ATP2B2: variants seen among roughly 807,000 people sequenced by gnomAD.
The protein encoded by ATP2B2 is plasma membrane calcium-transporting ATPase 2.
Under a neutral mutation model 120.0 loss-of-function variants are expected in ATP2B2, and 15 were observed. The observed-to-expected ratio is 0.12, with a 90% CI of 0.08 to 0.19. The LOEUF (loss-of-function observed/expected upper bound fraction) is 0.19, where lower values mean the gene tolerates loss of function less well. Among genes scored for constraint, ATP2B2 ranks in the 10% least tolerant of loss-of-function variants. ATP2B2 has a pLI of 1.00. For synonymous variants in ATP2B2, 694 were observed against 700.3 expected (o/e 0.99, Z 0.14); for missense variants, 1,045 against 1,719.8 (o/e 0.61, Z 6.94).
chr3:10,484,773 T>C (rs1005760278), intron 1 of ATP2B2, among the ~76,000 whole-genome samples: 1 of 152,164 alleles, frequency 6.6e-6, no homozygotes, highest in African/African-American at 2.4e-5. Context: ...GCCCATGATA[T>C]AATACAACCT....
intron 10 of ATP2B2, among the ~76,000 whole-genome samples, chr3:10,376,145 GAA>G (rs2061374582): frequency 6.6e-6 from 1 of 152,166 alleles, no homozygotes; most frequent in Admixed American, 6.5e-5. Flanking sequence ...CAGCAGTAAA[GAA>G]GACAAGAGTT....
At chr3:10,411,353 C>T (rs1043150431) in intron 2 of ATP2B2, among the ~76,000 whole-genome samples, 1 of 152,154 alleles carries the variant, frequency 6.6e-6, no homozygotes, top group East Asian at 1.9e-4. Flanking sequence ...CCTCTGGCCT[C>T]GAGTCATGAG....
chr3:10,334,626 C>T lies in ATP2B2; in HGVS notation c.3420+3550G>A, dbSNP rs537096641. ...CTCCATTTCATCTTGGCTCCCCGGT[C>T]CTCCCCAGCACTGCGTTTCTGTGCT... On this transcript the variant is annotated intron_variant, in intron 22 of 22. Transcript: ENST00000360273. Among the ~76,000 whole-genome samples the T allele has an allele frequency of 8.7e-4, 132 of 152,312 alleles. No individual in the cohort carries two copies. In the Middle Eastern group the frequency reaches 0.01, roughly 12 times the overall value.
intron 2 of ATP2B2, among the ~76,000 whole-genome samples, chr3:10,426,048 C>A (rs2063136545): frequency 6.6e-6 from 1 of 152,056 alleles, no homozygotes; most frequent in African/African-American, 2.4e-5. Context: ...GTGACACCAG[C>A]CTCTTTTCTG....
rs143495612 is a variant in ATP2B2, at chr3:10,677,603, G to A, written c.-460+30312C>T. ...TTGTAATACATATATCACTCTGGTG[G>A]GGGATATTGGCAGTGGGGATGTTGT... On this transcript the variant is annotated intron_variant, in intron 1 of 21. Coordinates refer to the ATP2B2 transcript ENST00000646379. Among the ~76,000 whole-genome samples, 186 of 152,278 alleles carry A rather than the reference G, an allele frequency of 1.2e-3. 2 individuals carry two copies. The highest frequency in any genetic ancestry group is 4.2e-3 in the African/African-American group (176 of 41,550).
rs144666676 is a variant in ATP2B2 at position 10,637,643 on chromosome 3, T to C, written c.-459-17682A>G. 5.6e-3 allele frequency among the ~76,000 whole-genome samples: 859 copies of C among 152,312 alleles called. 13 individuals are homozygous for C. Among genetic ancestry groups the C allele is most frequent in the African/African-American group, 0.02 (823 of 41,574 alleles). ...GAAACTGAAAAGAGTATCAGTGAGC[T>C]GTGGGGCAGCTTTAAGTGGCCAACC... On this transcript the variant is annotated intron_variant, in intron 1 of 21. Transcript: ENST00000646379.
At chr3:10,446,842 G>A (rs2063853023) in intron 2 of ATP2B2, among the ~76,000 whole-genome samples, 1 of 152,224 alleles carries the variant, frequency 6.6e-6, no homozygotes, top group South Asian at 2.1e-4. Context: ...CGGCTGGCAG[G>A]TGGCAGAGCA....
chr3:10,660,902 A>T (rs1291330649), intron 1 of ATP2B2, among the ~76,000 whole-genome samples: 1 of 152,232 alleles, frequency 6.6e-6, no homozygotes, highest in Non-Finnish European at 1.5e-5. Flanking sequence ...ATCTACCATG[A>T]TCAAGTGGGC....
At chr3:10,336,043 C>A in intron 22 of ATP2B2, 1 of 1,454,760 alleles carries the variant, frequency 6.9e-7, no homozygotes, top group Non-Finnish European at 9.3e-7. Context: ...CCGGCTGCCC[C>A]CCATGTCCTC....
intron 2 of ATP2B2, among the ~76,000 whole-genome samples, chr3:10,538,056 A>G (rs2067357003): frequency 6.6e-6 from 1 of 152,230 alleles, no homozygotes; most frequent in South Asian, 2.1e-4. Context: ...ATGTTTTGTT[A>G]AAGATTTTCA....
At chr3:10,345,312 C>G in intron 18 of ATP2B2, 72 bp downstream of exon 18, 2 of 1,561,612 alleles carry the variant, frequency 1.3e-6, no homozygotes, top group Non-Finnish European at 1.8e-6. Context: ...CTGGAGTACC[C>G]TAAGGCCCCC....
intron 21 of ATP2B2, chr3:10,338,731 T>C: frequency 3.1e-6 from 1 of 320,562 alleles, no homozygotes; most frequent in Non-Finnish European, 6.0e-6. Flanking sequence ...CTCACCGAGC[T>C]TTGGTTTTCC....
chr3:10,698,665 G>A (rs2071774883), intron 1 of ATP2B2, among the ~76,000 whole-genome samples: 1 of 152,192 alleles, frequency 6.6e-6, no homozygotes. Flanking sequence ...TTGCAAGGGT[G>A]AGCAGGAGCT....
At chr3:10,389,612 A>G (rs1050008785) in intron 5 of ATP2B2, among the ~76,000 whole-genome samples, 1 of 152,174 alleles carries the variant, frequency 6.6e-6, no homozygotes. Context: ...AAGGGAAATG[A>G]AAGTTAGTGT....
intron 2 of ATP2B2, among the ~76,000 whole-genome samples, chr3:10,568,856 C>G (rs1293402549): frequency 2.6e-5 from 4 of 152,202 alleles, no homozygotes; most frequent in Non-Finnish European, 5.9e-5. Context: ...CTTCCATTTT[C>G]CCTGCCTGGC....
intron 2 of ATP2B2, among the ~76,000 whole-genome samples, chr3:10,597,118 C>A (rs1237465800): frequency 4.6e-5 from 7 of 151,392 alleles, no homozygotes; most frequent in Admixed American, 4.6e-4. Context: ...TACACGCACA[C>A]ACACATGCAC....
chr3:10,647,710 G>T (rs568792259), intron 1 of ATP2B2, among the ~76,000 whole-genome samples: 1 of 152,338 alleles, frequency 6.6e-6, no homozygotes, highest in South Asian at 2.1e-4. Flanking sequence ...GACAGTGAAG[G>T]CATCAAAGGA....
intron 3 of ATP2B2, 46 bp downstream of exon 3, chr3:10,410,572 G>A (rs769394495): frequency 6.5e-7 from 1 of 1,545,768 alleles, no homozygotes; most frequent in African/African-American, 1.4e-5. Flanking sequence ...CGTGGATGCG[G>A]TGGCCAGGTG....
At chr3:10,421,949 C>T (rs975224728) in intron 2 of ATP2B2, among the ~76,000 whole-genome samples, 5 of 152,256 alleles carry the variant, frequency 3.3e-5, no homozygotes, top group Non-Finnish European at 7.3e-5. Flanking sequence ...TCCTCATCCT[C>T]CCCTGACAGC....
Sources: allele counts gnomAD v4.1 joint callset (sites outside exome capture counted in the v4.1 genomes callset), GRCh38; gene constraint gnomAD v4.1.1; transcripts MANE v1.5; gene names NCBI Gene and HGNC (gene_info 2026-07-23, HGNC 2026-07-21).